The following ANGPT1 variants were observed in gnomAD, a reference collection of about 807,000 sequenced individuals.
ANGPT1 encodes the protein angiopoietin-1.
A neutral mutation model predicts 62.2 loss-of-function variants in ANGPT1; 17 were observed. That is an observed-to-expected ratio of 0.27 (90% CI 0.19 to 0.41). The LOEUF (loss-of-function observed/expected upper bound fraction) is 0.41, where lower values mean the gene tolerates loss of function less well. ANGPT1 is among the 10% of genes least tolerant of loss of function. The probability of loss-of-function intolerance (pLI) is 1.00; values close to 1 mark genes in which losing one functional copy is unlikely to be tolerated. For synonymous variants in ANGPT1, 199 were observed against 198.9 expected (o/e 1.00, Z 0.00); for missense variants, 478 against 594.9 (o/e 0.80, Z 2.04).
chr8:107,435,840 T>G (rs1811318582), intron 1 of ANGPT1, among the ~76,000 whole-genome samples: 1 of 152,204 alleles, frequency 6.6e-6, no homozygotes, highest in Non-Finnish European at 1.5e-5. Context: ...TACAATCTAG[T>G]GCCAGACCCA....
chr8:107,251,557 G>T lies in ANGPT1; in HGVS notation c.*298C>A. ...TCTGGCTACCATAGTTCCAAAATAA[G>T]GTCCAGTAGTAGTTTGAAGCACAGC... On this transcript the variant is annotated 3_prime_UTR_variant, in exon 9 of 9. Coordinates refer to ENST00000517746, the MANE Select transcript of ANGPT1 (RefSeq NM_001146.5). The T allele has an allele frequency of 3.8e-6, 1 of 264,576 alleles. No individual in the cohort carries two copies. Among genetic ancestry groups the T allele is most frequent in the East Asian group, 7.0e-5 (1 of 14,356 alleles). The allele number at this position is 264,576 out of a possible 1,614,324, so 16.4% of individuals were successfully genotyped here.
intron 4 of ANGPT1, among the ~76,000 whole-genome samples, chr8:107,316,460 TTAAA>T (rs1244040018): frequency 6.6e-6 from 1 of 152,192 alleles, no homozygotes; most frequent in Non-Finnish European, 1.5e-5. Context: ...GTTACCAGAA[TTAAA>T]TAAACTAATA....
At chr8:107,490,906 G>A (rs1205978329) in intron 1 of ANGPT1, among the ~76,000 whole-genome samples, 3 of 152,180 alleles carry the variant, frequency 2.0e-5, no homozygotes, top group Admixed American at 1.3e-4. Flanking sequence ...TGGCCCAAGG[G>A]CCATCGCTTG....
At chr8:107,445,229 A>G (rs1475584436) in intron 1 of ANGPT1, among the ~76,000 whole-genome samples, 2 of 152,160 alleles carry the variant, frequency 1.3e-5, no homozygotes, top group African/African-American at 2.4e-5. Flanking sequence ...CATATATCGG[A>G]TTGATTATTC....
chr8:107,360,730 A>G (rs1816144613), intron 1 of ANGPT1, among the ~76,000 whole-genome samples: 1 of 152,124 alleles, frequency 6.6e-6, no homozygotes, highest in African/African-American at 2.4e-5. Context: ...AAATGAAGGC[A>G]CCTAACATTT....
intron 1 of ANGPT1, among the ~76,000 whole-genome samples, chr8:107,495,253 ACC>A (rs762084674): frequency 1.3e-5 from 2 of 152,218 alleles, no homozygotes; most frequent in Non-Finnish European, 2.9e-5. Flanking sequence ...TCTGACTCAT[ACC>A]AATAGGGACG....
intron 8 of ANGPT1, among the ~76,000 whole-genome samples, chr8:107,262,494 A>G (rs956566872): frequency 4.6e-5 from 7 of 152,216 alleles, no homozygotes; most frequent in Non-Finnish European, 8.8e-5. Flanking sequence ...CAACATAGAG[A>G]TGAGTTTCTC....
chr8:107,476,505 C>T (rs1563640304), intron 1 of ANGPT1, among the ~76,000 whole-genome samples: 2 of 152,102 alleles, frequency 1.3e-5, no homozygotes, highest in Non-Finnish European at 2.9e-5. Flanking sequence ...TTAATGGGTG[C>T]AGCACACCAA....
chr8:107,456,583 C>A (rs1195807425), intron 1 of ANGPT1, among the ~76,000 whole-genome samples: 1 of 151,944 alleles, frequency 6.6e-6, no homozygotes, highest in Non-Finnish European at 1.5e-5. Context: ...AAGATAAATC[C>A]TTATACATAA....
intron 5 of ANGPT1, among the ~76,000 whole-genome samples, chr8:107,298,315 G>A (rs1218139350): frequency 6.6e-6 from 1 of 151,772 alleles, no homozygotes; most frequent in Non-Finnish European, 1.5e-5. Context: ...CAAGAATTAG[G>A]GGAATTACGA....
intron 1 of ANGPT1, among the ~76,000 whole-genome samples, chr8:107,459,599 C>G (rs1273823314): frequency 1.3e-5 from 2 of 152,282 alleles, no homozygotes; most frequent in South Asian, 2.1e-4. Flanking sequence ...ATATGCCCTA[C>G]TAGCAATGTT....
At chr8:107,298,811 T>C (rs1197737690) in intron 5 of ANGPT1, among the ~76,000 whole-genome samples, 1 of 151,746 alleles carries the variant, frequency 6.6e-6, no homozygotes, top group Non-Finnish European at 1.5e-5. Flanking sequence ...GATGCTTCGG[T>C]TTTTGTGTAG....
intron 2 of ANGPT1, among the ~76,000 whole-genome samples, chr8:107,342,983 G>A (rs76914295): frequency 0.031 from 4,583 of 145,716 alleles, 98 homozygotes; most frequent in Middle Eastern, 0.064. Context: ...CTACAGGCAC[G>A]CATTACCATG....
intron 1 of ANGPT1, among the ~76,000 whole-genome samples, chr8:107,488,907 T>A (rs1381792876): frequency 2.6e-5 from 4 of 152,208 alleles, no homozygotes; most frequent in Admixed American, 1.3e-4. Context: ...CCTGGGGCTA[T>A]CTTTCATCTT....
intron 1 of ANGPT1, among the ~76,000 whole-genome samples, chr8:107,364,900 T>G (rs1207532919): frequency 6.6e-6 from 1 of 152,108 alleles, no homozygotes; most frequent in Non-Finnish European, 1.5e-5. Flanking sequence ...AGTTCCTAGA[T>G]GTCTTTCAGA....
intron 6 of ANGPT1, among the ~76,000 whole-genome samples, chr8:107,285,558 T>C (rs1180926462): frequency 1.3e-5 from 2 of 152,158 alleles, no homozygotes; most frequent in African/African-American, 2.4e-5. Flanking sequence ...TGAGTGAACC[T>C]AGCTGACTGC....
At chr8:107,319,675 T>G (rs1815105805) in intron 4 of ANGPT1, among the ~76,000 whole-genome samples, 1 of 152,006 alleles carries the variant, frequency 6.6e-6, no homozygotes, top group African/African-American at 2.4e-5. Context: ...AATCTAGTAT[T>G]ATGCTATTAG....
At chr8:107,297,810 GACTC>G (rs1814455180) in intron 5 of ANGPT1, among the ~76,000 whole-genome samples, 1 of 149,972 alleles carries the variant, frequency 6.7e-6, no homozygotes, top group Non-Finnish European at 1.5e-5. Context: ...TAAGAGGTTG[GACTC>G]ACTCTAGCAA....
At chr8:107,278,820 T>C (rs1266635228) in intron 7 of ANGPT1, among the ~76,000 whole-genome samples, 1 of 152,252 alleles carries the variant, frequency 6.6e-6, no homozygotes, top group Non-Finnish European at 1.5e-5. Context: ...CAAATTTCTG[T>C]AGATCTTCCC....
Sources: gnomAD v4.1 joint callset for allele counts (sites outside exome capture counted in the v4.1 genomes callset) on GRCh38, gnomAD v4.1.1 for gene constraint, MANE v1.5 for transcripts, NCBI Gene and HGNC (gene_info 2026-07-23, HGNC 2026-07-21) for gene names.